The following LRRC4C variants were observed in gnomAD, a reference collection of about 807,000 sequenced individuals.
LRRC4C encodes leucine rich repeat containing 4C, also known as leucine-rich repeat-containing protein 4C.
In LRRC4C, 5 loss-of-function variants were observed where a neutral mutation model predicts 33.6. The observed-to-expected ratio is 0.15, with a 90% CI of 0.08 to 0.31. LRRC4C has a LOEUF of 0.31. Ranked by LOEUF, LRRC4C falls within the 10% of genes least tolerant of loss-of-function variation. The probability of loss-of-function intolerance (pLI) is 1.00; values close to 1 mark genes in which losing one functional copy is unlikely to be tolerated. For synonymous variants in LRRC4C, 329 were observed against 302.0 expected, an observed-to-expected ratio of 1.09 and a Z score of -0.93; for missense variants, 560 against 796.7, an observed-to-expected ratio of 0.70 and a Z score of 3.58.
intron 3 of LRRC4C, among the ~76,000 whole-genome samples, chr11:40,327,717 G>A (rs1946166432): frequency 6.6e-6 from 1 of 151,828 alleles, no homozygotes; most frequent in African/African-American, 2.4e-5. Flanking sequence ...TCTTCTGCTT[G>A]AACATTTTCA....
intron 1 of LRRC4C, among the ~76,000 whole-genome samples, chr11:41,195,807 C>G (rs1946154921): frequency 6.6e-6 from 1 of 151,946 alleles, no homozygotes; most frequent in Non-Finnish European, 1.5e-5. Context: ...TTTATTGTGT[C>G]TTCCTTTTAA....
At chr11:41,403,270 A>C (rs919530436) in intron 1 of LRRC4C, among the ~76,000 whole-genome samples, 2 of 152,152 alleles carry the variant, frequency 1.3e-5, no homozygotes, top group Non-Finnish European at 2.9e-5. Context: ...AGATATCTAG[A>C]ATATTAAAAC....
chr11:40,499,252 A>G (rs887827311), intron 3 of LRRC4C, among the ~76,000 whole-genome samples: 1 of 152,146 alleles, frequency 6.6e-6, no homozygotes, highest in Admixed American at 6.5e-5. Context: ...CAAAGAAATA[A>G]CCTGTCAAGC....
At chr11:40,423,265 T>C (rs1950586151) in intron 3 of LRRC4C, among the ~76,000 whole-genome samples, 1 of 151,684 alleles carries the variant, frequency 6.6e-6, no homozygotes, top group Admixed American at 6.6e-5. Flanking sequence ...GAATAGCACA[T>C]AGAATTGAGG....
intron 1 of LRRC4C, among the ~76,000 whole-genome samples, chr11:41,158,514 T>G (rs1005186093): frequency 6.6e-6 from 1 of 152,064 alleles, no homozygotes; most frequent in African/African-American, 2.4e-5. Flanking sequence ...TGCTATTAAC[T>G]CAGCCAAACC....
intron 1 of LRRC4C, among the ~76,000 whole-genome samples, chr11:41,150,506 A>T (rs1391470364): frequency 6.6e-6 from 1 of 152,008 alleles, no homozygotes. Flanking sequence ...AAGTAATATG[A>T]TTTTGCCAGG....
chr11:41,171,654 A>T (rs1377180820), intron 1 of LRRC4C, among the ~76,000 whole-genome samples: 1 of 151,780 alleles, frequency 6.6e-6, no homozygotes, highest in East Asian at 1.9e-4. Context: ...CTAAAACTTA[A>T]CGTATAATAA....
At chr11:40,867,366 A>G (rs1159687324) in intron 2 of LRRC4C, among the ~76,000 whole-genome samples, 1 of 152,202 alleles carries the variant, frequency 6.6e-6, no homozygotes, top group Non-Finnish European at 1.5e-5. Context: ...AAGCCCTACC[A>G]GATATCATTT....
intron 3 of LRRC4C, among the ~76,000 whole-genome samples, chr11:40,396,917 T>C (rs968585897): frequency 5.3e-5 from 8 of 152,102 alleles, no homozygotes; most frequent in Non-Finnish European, 7.4e-5. Context: ...CTTAACGTTC[T>C]CTATAATACA....
At chr11:40,142,693 C>A (rs770132082) in intron 5 of LRRC4C, among the ~76,000 whole-genome samples, 3 of 151,938 alleles carry the variant, frequency 2.0e-5, no homozygotes, top group African/African-American at 4.8e-5. Context: ...GGCCAATGAA[C>A]CTTGGAGTGC....
chr11:40,525,367 AC>A (rs1187879065), intron 3 of LRRC4C, among the ~76,000 whole-genome samples: 2 of 151,984 alleles, frequency 1.3e-5, no homozygotes, highest in Non-Finnish European at 2.9e-5. Context: ...AATCGCTTGA[AC>A]CCAGGAGGCA....
intron 3 of LRRC4C, among the ~76,000 whole-genome samples, chr11:40,329,757 T>C (rs1040819381): frequency 6.7e-6 from 1 of 150,120 alleles, no homozygotes. Context: ...TTTTTTTTTT[T>C]TTGAGATGGA....
chr11:41,124,866 A>G (rs983853697), intron 1 of LRRC4C, among the ~76,000 whole-genome samples: 62 of 152,234 alleles, frequency 4.1e-4, no homozygotes, highest in Non-Finnish European at 1.6e-4. Flanking sequence ...AAATAAATAT[A>G]TGATGACTTT....
At chr11:41,438,093 A>G (rs911119073) in intron 1 of LRRC4C, among the ~76,000 whole-genome samples, 3 of 151,658 alleles carry the variant, frequency 2.0e-5, no homozygotes, top group Non-Finnish European at 4.4e-5. Context: ...TAATTACAAT[A>G]TGGTACCTGT....
intron 4 of LRRC4C, among the ~76,000 whole-genome samples, chr11:40,282,965 C>G (rs1215327874): frequency 2.0e-5 from 3 of 152,148 alleles, no homozygotes; most frequent in Non-Finnish European, 4.4e-5. Flanking sequence ...TTATATTAGT[C>G]CATTTATGGA....
At chr11:41,160,762 T>C (rs1460843224) in intron 1 of LRRC4C, among the ~76,000 whole-genome samples, 1 of 152,210 alleles carries the variant, frequency 6.6e-6, no homozygotes, top group East Asian at 1.9e-4. Flanking sequence ...ATGACTATTG[T>C]ACAATTTGCT....
At chr11:40,550,911 T>C (rs1004553366) in intron 3 of LRRC4C, among the ~76,000 whole-genome samples, 1 of 152,072 alleles carries the variant, frequency 6.6e-6, no homozygotes, top group Non-Finnish European at 1.5e-5. Context: ...CACTCCCATG[T>C]TGTAGAGTAT....
intron 3 of LRRC4C, among the ~76,000 whole-genome samples, chr11:40,403,717 T>TACCACCAGAAA (rs1949850965): frequency 6.6e-6 from 1 of 152,136 alleles, no homozygotes; most frequent in African/African-American, 2.4e-5. Flanking sequence ...TTTTTGTTTA[T>TACCACCAGAAA]ACCACCAGAA....
chr11:40,300,962 T>C (rs1412471473), intron 4 of LRRC4C, among the ~76,000 whole-genome samples: 1 of 152,190 alleles, frequency 6.6e-6, no homozygotes, highest in African/African-American at 2.4e-5. Context: ...TGTACCAGGC[T>C]CTCTGGAAGG....
Sources: gnomAD v4.1 joint callset for allele counts (sites outside exome capture counted in the v4.1 genomes callset) on GRCh38, gnomAD v4.1.1 for gene constraint, MANE v1.5 for transcripts, NCBI Gene and HGNC (gene_info 2026-07-23, HGNC 2026-07-21) for gene names.